The following VIRMA variants were observed in gnomAD, a reference collection of about 807,000 sequenced individuals.
VIRMA encodes the protein vir like m6A methyltransferase associated.
A neutral mutation model predicts 182.4 loss-of-function variants in VIRMA; 65 were observed. That is an observed-to-expected ratio of 0.36 (90% confidence interval 0.29 to 0.44). The LOEUF (loss-of-function observed/expected upper bound fraction) is 0.44, where lower values mean the gene tolerates loss of function less well. Ranked by LOEUF, VIRMA falls within the 20% of genes least tolerant of loss-of-function variation. VIRMA has a pLI of 1.00. For synonymous variants in VIRMA, 709 were observed against 743.1 expected, an observed-to-expected ratio of 0.95 and a Z score of 0.75; for missense variants, 1,752 against 2,158.1, an observed-to-expected ratio of 0.81 and a Z score of 3.73.
At chr8:94,490,808 T>G (rs927297229) in intron 22 of VIRMA, among the ~76,000 whole-genome samples, 1 of 151,758 alleles carries the variant, frequency 6.6e-6, no homozygotes, top group Non-Finnish European at 1.5e-5. Flanking sequence ...GATTGCGCCA[T>G]TGCACTCCAG....
rs753864242 is a variant in VIRMA, at chr8:94,491,795, CT to C, written c.4922del (p.Gln1641ArgfsTer195). The C allele has an allele frequency of 6.2e-7, 1 of 1,613,806 alleles. No individual in the cohort carries two copies. Among genetic ancestry groups the C allele is most frequent in the Non-Finnish European group, 8.5e-7 (1 of 1,180,006 alleles). On this transcript the variant is annotated frameshift_variant, in exon 22 of 24. Coordinates refer to ENST00000297591, the MANE Select transcript of VIRMA (RefSeq NM_015496.5). LOFTEE classifies it high-confidence loss of function. ...QGIRPHDIFR[Q>X]RKQNTSRPPS... ...GTGGTCTACTTGTGTTCTGTTTTCT[CT>C]GACGAAAAATATCATGAGGTCGTAT...
chr8:94,544,971 GA>G (rs560518939), intron 1 of VIRMA, among the ~76,000 whole-genome samples: 2 of 150,868 alleles, frequency 1.3e-5, no homozygotes, highest in African/African-American at 2.4e-5. Flanking sequence ...TTATTATATA[GA>G]AAAAAAAATA....
intron 2 of VIRMA, among the ~76,000 whole-genome samples, chr8:94,539,599 T>C (rs190446562): frequency 6.6e-6 from 1 of 152,344 alleles, no homozygotes; most frequent in Admixed American, 6.5e-5. Context: ...AAGAGATTCC[T>C]GTATGCACTT....
At chr8:94,544,108 A>G (rs2130389689) in intron 1 of VIRMA, among the ~76,000 whole-genome samples, 166 bp from the exon 2 acceptor site, 1 of 152,318 alleles carries the variant, frequency 6.6e-6, no homozygotes, top group Non-Finnish European at 1.5e-5. Context: ...AGCTGATAAG[A>G]TGTACTTACT....
intron 8 of VIRMA, among the ~76,000 whole-genome samples, chr8:94,522,606 T>G (rs1482170439): frequency 6.6e-6 from 1 of 152,186 alleles, no homozygotes; most frequent in Non-Finnish European, 1.5e-5. Context: ...GCTAGAAATC[T>G]CTAGCTTCTT....
intron 8 of VIRMA, among the ~76,000 whole-genome samples, chr8:94,522,248 A>C (rs1051657610): frequency 3.3e-5 from 5 of 152,228 alleles, no homozygotes; most frequent in African/African-American, 1.2e-4. Flanking sequence ...CCGAGTTTCT[A>C]AAGAGCTTCC....
intron 6 of VIRMA, among the ~76,000 whole-genome samples, chr8:94,530,572 G>C (rs1815137870): frequency 6.6e-6 from 1 of 151,928 alleles, no homozygotes; most frequent in Non-Finnish European, 1.5e-5. Flanking sequence ...CAGCATGGGG[G>C]GAGACTGCAT....
rs1411085573 is a variant in VIRMA, at chr8:94,511,179, T to C, written c.3390+6A>G. Reference sequence around the variant, plus strand: ...TTATAAGATGCATGTTATATGGAAGTGATACCTGAGTTGTTTGCATGGGCA... The same window carrying C: ...TTATAAGATGCATGTTATATGGAAGCGATACCTGAGTTGTTTGCATGGGCA... On this transcript the variant is annotated splice_donor_region_variant and intron_variant, in intron 13 of 23. Transcript: ENST00000297591. The C allele has an allele frequency of 3.1e-6, 5 of 1,611,032 alleles. No individual in the cohort carries two copies. The South Asian group carries it at 5.5e-5, about 18-fold the overall frequency.
At chr8:94,532,653 T>C (rs1815209454) in intron 5 of VIRMA, among the ~76,000 whole-genome samples, 1 of 152,174 alleles carries the variant, frequency 6.6e-6, no homozygotes, top group South Asian at 2.1e-4. Flanking sequence ...CTCCTGTCAA[T>C]CTATAATTAT....
chr8:94,546,562 T>A (rs1412976587), intron 1 of VIRMA, among the ~76,000 whole-genome samples: 1 of 151,178 alleles, frequency 6.6e-6, no homozygotes, highest in African/African-American at 2.5e-5. Context: ...TTAATTTTTG[T>A]TTTTTAAATT....
chr8:94,527,435 G>T (rs1815014155), intron 7 of VIRMA, 72 bp from the exon 8 acceptor site: 4 of 942,758 alleles, frequency 4.2e-6, no homozygotes, highest in Non-Finnish European at 6.0e-6. Context: ...GATTGAACAA[G>T]AAATAGTTTT....
chr8:94,514,665 G>C (rs943284951), intron 11 of VIRMA, among the ~76,000 whole-genome samples: 9 of 152,188 alleles, frequency 5.9e-5, no homozygotes, highest in African/African-American at 1.4e-4. Flanking sequence ...ACAGTACACA[G>C]GGTTATGTGC....
chr8:94,544,922 C>T (rs2130391656), intron 1 of VIRMA, among the ~76,000 whole-genome samples: 2 of 151,978 alleles, frequency 1.3e-5, no homozygotes, highest in East Asian at 3.9e-4. Flanking sequence ...TAAACCCCTC[C>T]TAAAATTAAA....
chr8:94,531,145 A>G, intron 5 of VIRMA, 60 bp from the exon 6 acceptor site: 2 of 1,482,116 alleles, frequency 1.3e-6, no homozygotes, highest in Non-Finnish European at 1.8e-6. Flanking sequence ...CCCGAACAAC[A>G]TGGCTTTGAA....
At chr8:94,509,555 A>G (rs1404869953) in intron 15 of VIRMA, 133 bp downstream of exon 15, 7 of 902,860 alleles carry the variant, frequency 7.8e-6, no homozygotes, top group Non-Finnish European at 9.8e-6. Flanking sequence ...CCCATGAACA[A>G]CAGCAGGAAT....
intron 15 of VIRMA, among the ~76,000 whole-genome samples, chr8:94,508,180 A>G (rs1331994698): frequency 6.6e-6 from 1 of 151,948 alleles, no homozygotes; most frequent in African/African-American, 2.4e-5. Flanking sequence ...TAGGCCTACT[A>G]TGAGATTCAA....
intron 2 of VIRMA, among the ~76,000 whole-genome samples, chr8:94,542,743 C>T (rs1420026125): frequency 6.6e-6 from 1 of 152,158 alleles, no homozygotes; most frequent in African/African-American, 2.4e-5. Context: ...TGATCCTTCA[C>T]TATAAACATT....
At chr8:94,537,502 G>A (rs371625347) in intron 3 of VIRMA, among the ~76,000 whole-genome samples, 14 of 151,970 alleles carry the variant, frequency 9.2e-5, no homozygotes, top group East Asian at 5.8e-4. Flanking sequence ...TATTAAGTAG[G>A]TACTGACATA....
intron 18 of VIRMA, 77 bp downstream of exon 18, chr8:94,496,251 G>T (rs1167689160): frequency 1.6e-6 from 2 of 1,215,484 alleles, no homozygotes; most frequent in Non-Finnish European, 2.3e-6. Flanking sequence ...TTTAAAAAAG[G>T]TCACTACGAA....
Sources: gnomAD v4.1 joint callset for allele counts (sites outside exome capture counted in the v4.1 genomes callset) on GRCh38, gnomAD v4.1.1 for gene constraint, MANE v1.5 for transcripts, NCBI Gene and HGNC (gene_info 2026-07-23, HGNC 2026-07-21) for gene names.